Variants in KLF16 observed in about 807,000 individuals in gnomAD.
KLF16 encodes KLF transcription factor 16, also known as Krueppel-like factor 16.
A neutral mutation model predicts 6.1 loss-of-function variants in KLF16; 6 were observed. The ratio of observed to expected loss-of-function variants is 0.98; its 90% CI spans 0.54 to 1.93. KLF16 has a LOEUF of 1.93. Among genes scored for constraint, KLF16 ranks in the 30% most tolerant of loss-of-function variants. KLF16 has a pLI of 0.01. For missense variants in KLF16, 355 were observed against 363.8 expected, an observed-to-expected ratio of 0.98 and a Z score of 0.20; for synonymous variants, 211 against 176.5, an observed-to-expected ratio of 1.20 and a Z score of -1.55.
chr19:1,874,924 A>T, the KLF16 span: 1 of 152,354 alleles, frequency 6.6e-6, no homozygotes, highest in Non-Finnish European at 1.5e-5. Flanking sequence ...CATATTTTCC[A>T]ATCTCGAAAC....
upstream of KLF16, among the ~76,000 whole-genome samples, chr19:1,865,545 C>T (rs1230355511): frequency 6.6e-6 from 1 of 152,216 alleles, no homozygotes; most frequent in South Asian, 2.1e-4. Flanking sequence ...GGGAGGCTAA[C>T]GATGGGGGGC....
At chr19:1,871,999 CG>C in the KLF16 span, among the ~76,000 whole-genome samples, 2 of 152,152 alleles carry the variant, frequency 1.3e-5, no homozygotes, top group Non-Finnish European at 2.9e-5. Context: ...GGGCCAGGGC[CG>C]GGGATTTTAT....
chr19:1,867,297 C>CA (rs1381998036), upstream of KLF16, among the ~76,000 whole-genome samples: 1 of 152,156 alleles, frequency 6.6e-6, no homozygotes, highest in Non-Finnish European at 1.5e-5. Context: ...GGGCCGGGTG[C>CA]AGTGACTCAC....
At chr19:1,869,218 C>G in the KLF16 span, among the ~76,000 whole-genome samples, 3 of 152,104 alleles carry the variant, frequency 2.0e-5, no homozygotes, top group Admixed American at 1.3e-4. Flanking sequence ...GACTCACGCC[C>G]GTAATCCCAG....
At chr19:1,858,566 T>G (rs2012000455) in intron 1 of KLF16, among the ~76,000 whole-genome samples, 1 of 152,140 alleles carries the variant, frequency 6.6e-6, no homozygotes. Flanking sequence ...GCTTAATGCA[T>G]ATCTGTGGAA....
chr19:1,872,528 G>A, the KLF16 span, among the ~76,000 whole-genome samples: 1 of 152,234 alleles, frequency 6.6e-6, no homozygotes, highest in East Asian at 1.9e-4. Flanking sequence ...CTATTGGGGA[G>A]GGCGGGTCCC....
intron 1 of KLF16, among the ~76,000 whole-genome samples, chr19:1,855,458 G>A (rs931038338): frequency 1.3e-5 from 2 of 152,066 alleles, no homozygotes; most frequent in Admixed American, 6.5e-5. Context: ...GGCGGGGCCC[G>A]GCGGGCTGGA....
chr19:1,873,839 G>A, the KLF16 span, among the ~76,000 whole-genome samples: 1 of 152,238 alleles, frequency 6.6e-6, no homozygotes, highest in East Asian at 1.9e-4. Flanking sequence ...GAGCCTGAAG[G>A]CCCGGACTCG....
At position 1,857,031 on chromosome 19, in the gene KLF16, G is replaced by A. The variant is rs1380351495; in HGVS notation, c.458-2271C>T. Among the ~76,000 whole-genome samples the A allele has an allele frequency of 4.0e-5, 6 of 150,338 alleles. No homozygotes were observed. Among genetic ancestry groups the A allele is most frequent in the Non-Finnish European group, 8.9e-5 (6 of 67,712 alleles). On this transcript the variant is annotated intron_variant, in intron 1 of 1. Transcript: ENST00000250916. The surrounding 1 kb of genome is among the most constrained non-coding windows in gnomAD (Gnocchi z 4.7). ...GCACGTAGCTCGGCGGCGGCGGCGG[G>A]GACATCCGCAGCCCCAGCCGGCCCC...
In KLF16 at chr19:1,863,332, G is replaced by A; in HGVS notation, c.166C>T (p.Pro56Ser). The A allele has an allele frequency of 1.8e-5, 18 of 981,148 alleles. No homozygotes were observed. The highest frequency in any genetic ancestry group is 2.1e-5 in the Non-Finnish European group (17 of 828,810). 60.8% of individuals were successfully genotyped at this position (981,148 alleles called of 1,614,324 possible). A position where few individuals can be genotyped will look rare whatever the true frequency, so the allele number is the denominator to read the frequency against. Reference sequence around the variant, plus strand: ...GCGGGGGGCGGCGGGGGTGGCCCCGGGGTCCCGGGTGAGGCGGCCTCGCGG... The same window carrying A: ...GCGGGGGGCGGCGGGGGTGGCCCCGAGGTCCCGGGTGAGGCGGCCTCGCGG... ...ARREAASPGTPGPPPPPPAAS... is the reference protein window; with the variant it reads ...ARREAASPGTSGPPPPPPAAS... Residue 56 changes from proline (P) to serine (S), a missense_variant, in exon 1 of 2, where the codon CCG (proline) becomes TCG (serine). Pro to Ser is a moderately conservative substitution (Grantham distance 74). Coordinates refer to ENST00000250916, the MANE Select transcript of KLF16 (RefSeq NM_031918.4).
At chr19:1,862,988 G>A in intron 1 of KLF16, 53 bp downstream of exon 1, 5 of 1,137,760 alleles carry the variant, frequency 4.4e-6, no homozygotes, top group South Asian at 2.4e-5. Context: ...CCTGGCGGGG[G>A]AGGGGTCTCA....
chr19:1,860,971 G>A (rs1406654791), intron 1 of KLF16, among the ~76,000 whole-genome samples: 1 of 152,080 alleles, frequency 6.6e-6, no homozygotes, highest in Non-Finnish European at 1.5e-5. Flanking sequence ...GGGTGGGGGA[G>A]GGTGCCAGGA....
Position 1,853,311 on chromosome 19 carries a change from A to AC in KLF16, c.*1147dup, listed in dbSNP as rs1278731072. 1 of 152,128 alleles carries AC rather than the reference A, an allele frequency of 6.6e-6. No homozygotes were observed. The highest frequency in any genetic ancestry group is 1.5e-5 in the Non-Finnish European group (1 of 68,052). The allele number at this position is 152,128 out of a possible 1,614,324, so 9.4% of individuals were successfully genotyped here. The stretch of plus-strand genomic sequence containing the variant: ...CTACCCGGTGCAAAAAAAACGAGCT[A>AC]CCCCAGGAGGCTGCACAGCCAGCCC... On this transcript the variant is annotated 3_prime_UTR_variant, in exon 2 of 2. Transcript: ENST00000250916.
At chr19:1,872,121 G>A in the KLF16 span, among the ~76,000 whole-genome samples, 1 of 152,072 alleles carries the variant, frequency 6.6e-6, no homozygotes, top group Admixed American at 6.6e-5. Flanking sequence ...GGGTCAGACA[G>A]GTGGCGGTGG....
chr19:1,857,552 G>A lies in KLF16; in HGVS notation c.458-2792C>T, dbSNP rs183712994. Reference sequence around the variant, plus strand: ...CCAGGAAGTCCTGGAAACCTGGCCCGGCCCCGTCTGAGCCGGCACAGGAGG... The same window carrying A: ...CCAGGAAGTCCTGGAAACCTGGCCCAGCCCCGTCTGAGCCGGCACAGGAGG... On this transcript the variant is annotated intron_variant, in intron 1 of 1. Coordinates refer to ENST00000250916, the MANE Select transcript of KLF16 (RefSeq NM_031918.4). The surrounding 1 kb of genome is among the most constrained non-coding windows in gnomAD (Gnocchi z 4.7). 1.3e-5 allele frequency among the ~76,000 whole-genome samples: 2 copies of A among 152,292 alleles called. No individual in the cohort carries two copies. The highest frequency in any genetic ancestry group is 2.9e-5 in the Non-Finnish European group (2 of 68,014).
In KLF16 at chr19:1,854,546, A is replaced by G. The variant is rs746547501; in HGVS notation, c.672T>C (p.Ser224=). Residue 224 remains serine, a synonymous_variant, in exon 2 of 2, where the codon AGT becomes AGC. Coordinates refer to ENST00000250916, the MANE Select transcript of KLF16 (RefSeq NM_031918.4). ...AGGGCAGCGAGTCGCTGGGGGAGGT[A>G]CTGCGGGCACCAGGGCGCCGGAGCA... ...PDLLRRPGAR[S]TSPSDSLPCS... 4 of 1,557,030 alleles carry G rather than the reference A, an allele frequency of 2.6e-6. No individual in the cohort carries two copies. Among genetic ancestry groups the G allele is most frequent in the Non-Finnish European group, 3.5e-6 (4 of 1,159,344 alleles).
the KLF16 span, chr19:1,876,234 T>C: frequency 6.6e-6 from 1 of 152,408 alleles, no homozygotes; most frequent in African/African-American, 2.4e-5. Flanking sequence ...CGCAGCGCCT[T>C]CTCGCGCCCA....
Position 1,854,168 on chromosome 19 carries a change from A to C in KLF16, c.*291T>G. 5 of 344,074 alleles carry C rather than the reference A, an allele frequency of 1.5e-5. No individual in the cohort carries two copies. The highest frequency in any genetic ancestry group is 1.6e-5 in the Non-Finnish European group (3 of 193,142). The allele number at this position is 344,074 out of a possible 1,614,324, so 21.3% of individuals were successfully genotyped here. On this transcript the variant is annotated 3_prime_UTR_variant, in exon 2 of 2. Transcript: ENST00000250916. Reference sequence around the variant, plus strand: ...GGGGCAGCAGGGGGTGGTGGAGAGGAGAGGGGAGGACCTCCTAGCTGCCCT... The same window carrying C: ...GGGGCAGCAGGGGGTGGTGGAGAGGCGAGGGGAGGACCTCCTAGCTGCCCT...
chr19:1,862,949 GC>G (rs1289993638), intron 1 of KLF16, 91 bp downstream of exon 1: 138 of 761,090 alleles, frequency 1.8e-4, no homozygotes, highest in Non-Finnish European at 2.2e-4. Flanking sequence ...CCCCCTCCCC[GC>G]CCCCCACGCG....
Sources: gnomAD v4.1 joint callset for allele counts (sites outside exome capture counted in the v4.1 genomes callset) on GRCh38, gnomAD v4.1.1 for gene constraint, Gnocchi (gnomAD v3.1) non-coding constraint, MANE v1.5 for transcripts, NCBI Gene and HGNC (gene_info 2026-07-23, HGNC 2026-07-21) for gene names.